Variants in ZMYND11 observed in about 807,000 individuals in gnomAD.
ZMYND11 encodes zinc finger MYND-type containing 11.
A neutral mutation model predicts 84.9 loss-of-function variants in ZMYND11; 9 were observed. The observed-to-expected ratio is 0.11, with a 90% confidence interval of 0.06 to 0.18. The LOEUF is 0.18. ZMYND11 is among the 10% of genes least tolerant of loss of function. The pLI is 1.00. For synonymous variants in ZMYND11, 250 were observed against 244.1 expected, an observed-to-expected ratio of 1.02 and a Z score of -0.23; for missense variants, 409 against 761.0, an observed-to-expected ratio of 0.54 and a Z score of 5.44.
chr10:215,326 A>G (rs1001184957), intron 3 of ZMYND11, among the ~76,000 whole-genome samples: 1 of 151,788 alleles, frequency 6.6e-6, no homozygotes, highest in Non-Finnish European at 1.5e-5. Flanking sequence ...TTAAAAAGTG[A>G]TGTTTGCTGT....
chr10:246,685 C>T lies in ZMYND11; in HGVS notation c.951-81C>T, dbSNP rs1278925932. The stretch of plus-strand genomic sequence containing the variant: ...GCCACAGGTCGCACTTTATGGCAGG[C>T]AGGGTCCACTGAAGCCCTCTTTTAC... On this transcript the variant is annotated intron_variant, in intron 10 of 14. Transcript: ENST00000381604. 7.5e-6 allele frequency: 10 copies of T among 1,333,542 alleles called. No homozygotes were observed. In the African/African-American group the frequency reaches 1.3e-4, roughly 17 times the overall value. 82.6% of individuals were successfully genotyped at this position (1,333,542 alleles called of 1,614,324 possible).
intron 9 of ZMYND11, 126 bp from the exon 10 acceptor site, chr10:241,895 T>G (rs1951027195): frequency 1.7e-6 from 2 of 1,179,810 alleles, no homozygotes; most frequent in East Asian, 2.4e-5. Flanking sequence ...ATCTCGTATG[T>G]GTTTAGGAGT....
intron 1 of ZMYND11, among the ~76,000 whole-genome samples, chr10:153,563 G>GT (rs759940806): frequency 6.6e-6 from 1 of 152,018 alleles, no homozygotes; most frequent in Non-Finnish European, 1.5e-5. Context: ...ATTTATATCA[G>GT]TAACATCTAC....
chr10:230,304 C>T (rs1948788619), intron 4 of ZMYND11, among the ~76,000 whole-genome samples: 1 of 151,732 alleles, frequency 6.6e-6, no homozygotes, highest in African/African-American at 2.4e-5. Flanking sequence ...GAAACTCTGT[C>T]TCTACTAAAA....
chr10:237,139 G>A (rs538105268), intron 5 of ZMYND11, among the ~76,000 whole-genome samples: 1 of 152,214 alleles, frequency 6.6e-6, no homozygotes, highest in African/African-American at 2.4e-5. Flanking sequence ...TTTGACATAA[G>A]CTACATGAGA....
At chr10:206,126 G>A (rs1002269000) in intron 2 of ZMYND11, among the ~76,000 whole-genome samples, 2 of 151,944 alleles carry the variant, frequency 1.3e-5, no homozygotes, top group Admixed American at 6.6e-5. Context: ...TTGGGAGGCC[G>A]AGGCGGGTGG....
intron 1 of ZMYND11, chr10:154,831 A>G (rs541029432): frequency 1.3e-5 from 2 of 152,352 alleles, no homozygotes; most frequent in South Asian, 4.1e-4. Flanking sequence ...CAAATGAAAT[A>G]TAAGAAAATT....
At position 160,134 on chromosome 10, in the gene ZMYND11, C is replaced by T. The variant is rs150530629; in HGVS notation, c.-19-19860C>T. 5.2e-3 allele frequency among the ~76,000 whole-genome samples: 792 copies of T among 152,256 alleles called. 2 individuals are homozygous for T. The highest frequency in any genetic ancestry group is 8.2e-3 in the Non-Finnish European group (555 of 68,024). ...GCTTTGAAGCTGATATGTATACAGG[C>T]GTACCCTGGATATATTGTGGGTTTG... On this transcript the variant is annotated intron_variant, in intron 1 of 14. Transcript: ENST00000381604.
At chr10:245,365 A>G (rs1255557799) in intron 10 of ZMYND11, among the ~76,000 whole-genome samples, 4 of 152,178 alleles carry the variant, frequency 2.6e-5, no homozygotes, top group Non-Finnish European at 5.9e-5. Context: ...ATGGTTATTT[A>G]TGGCTGAGGC....
At chr10:136,500 G>A (rs575714823) in intron 1 of ZMYND11, among the ~76,000 whole-genome samples, 2 of 152,078 alleles carry the variant, frequency 1.3e-5, no homozygotes, top group Non-Finnish European at 2.9e-5. Flanking sequence ...TGTCGTACCG[G>A]CTATCATACA....
chr10:246,694 C>G, intron 10 of ZMYND11, 72 bp from the exon 11 acceptor site: 1 of 1,455,534 alleles, frequency 6.9e-7, no homozygotes, highest in African/African-American at 1.4e-5. Flanking sequence ...GCAGGGTCCA[C>G]TGAAGCCCTC....
rs1489664092 is a variant in ZMYND11 at position 248,339 on chromosome 10, C to A, written c.1231C>A (p.Pro411Thr). The A allele has an allele frequency of 6.2e-7, 1 of 1,612,412 alleles. No homozygotes were observed. Among genetic ancestry groups the A allele is most frequent in the Non-Finnish European group, 8.5e-7 (1 of 1,178,906 alleles). The change falls in exon 13 of 15, where the codon CCA (proline) becomes ACA (threonine). Residue 411 changes from proline (P) to threonine (T), a missense_variant. Physicochemically the swap from Pro to Thr is conservative, Grantham distance 38. This residue lies in a region of ZMYND11 where 19 missense variants were observed against 60.5 expected (regional missense o/e 0.31). Transcript: ENST00000381604. Reference sequence around the variant, plus strand: ...AAACTCTTGTCTCACCTTTTAGGAACCAGAGCCTGAAACAGAAGCAGTAAG... The same window carrying A: ...AAACTCTTGTCTCACCTTTTAGGAAACAGAGCCTGAAACAGAAGCAGTAAG... The part of the protein sequence containing the change: ...NQSVEPKKEE[P>T]EPETEAVSSS...
At position 135,736 on chromosome 10, in the gene ZMYND11, T is replaced by TGGCGG. The variant is rs1185219301; in HGVS notation, c.-20+184_-20+188dup. ...CCGAGCTGCCGGGGAGCTTTGTGGA[T>TGGCGG]GGCGGGGCGGGCCGGGCCGGCGGGG... On this transcript the variant is annotated intron_variant, in intron 1 of 14. Transcript: ENST00000381604. The surrounding 1 kb of genome is among the most constrained non-coding windows in gnomAD (Gnocchi z 5.6). Among the ~76,000 whole-genome samples, 34 of 137,238 alleles carry TGGCGG rather than the reference T, an allele frequency of 2.5e-4. No homozygotes were observed. The highest frequency in any genetic ancestry group is 1.6e-5 in the Non-Finnish European group (1 of 62,718). The allele number at this position is 137,238 out of a possible 152,430, so 90.0% of individuals were successfully genotyped here. A position where few individuals can be genotyped will look rare whatever the true frequency, so the allele number is the denominator to read the frequency against.
upstream of ZMYND11, chr10:135,221 TGCCCTCCCG>T (rs1835632913): frequency 6.7e-6 from 1 of 150,052 alleles, no homozygotes; most frequent in Non-Finnish European, 1.5e-5. The surrounding 1 kb of genome is among the most constrained non-coding windows in gnomAD (Gnocchi z 5.6). Context: ...CGGGCGGCGG[TGCCCTCCCG>T]GCCCTCACCC....
Position 200,205 on chromosome 10 carries a change from G to GGGGTGTGTGTGTGTGT in ZMYND11, c.117-9683_117-9682insGGTGTGTGTGTGTGTG, listed in dbSNP as rs1554774397. Among the ~76,000 whole-genome samples the GGGGTGTGTGTGTGTGT allele has an allele frequency of 3.0e-3, 391 of 132,422 alleles. No individual in the cohort carries two copies. The Middle Eastern group carries it at 0.031, about 10-fold the overall frequency. 86.9% of individuals were successfully genotyped at this position (132,422 alleles called of 152,430 possible). Reference sequence around the variant, plus strand: ...GACATGTGCTGCCATGCCTGGCTAGGGTGTGTGTGTGTGTGTGTGTATAAT... The same window carrying GGGGTGTGTGTGTGTGT: ...GACATGTGCTGCCATGCCTGGCTAGGGGGTGTGTGTGTGTGTGTGTGTGTGTGTGTGTGTGTATAAT... On this transcript the variant is annotated intron_variant, in intron 2 of 14. Coordinates refer to ENST00000381604, the MANE Select transcript of ZMYND11 (RefSeq NM_001370100.5).
At chr10:231,961 C>T (rs749768986) in intron 4 of ZMYND11, among the ~76,000 whole-genome samples, 2 of 152,104 alleles carry the variant, frequency 1.3e-5, no homozygotes, top group Non-Finnish European at 2.9e-5. Context: ...CCAGGTGATA[C>T]GAACTCTGGA....
chr10:180,280 AAC>A (rs1411457066), intron 2 of ZMYND11, among the ~76,000 whole-genome samples, 152 bp downstream of exon 2: 17 of 152,252 alleles, frequency 1.1e-4, no homozygotes, highest in African/African-American at 1.7e-4. Context: ...TAGAAAAACA[AAC>A]ACAGAAACAT....
intron 7 of ZMYND11, 143 bp downstream of exon 7, chr10:239,668 C>A: frequency 2.9e-6 from 2 of 684,182 alleles, no homozygotes; most frequent in Non-Finnish European, 4.8e-6. Flanking sequence ...TTAGGAATAT[C>A]TGGTGATATA....
intron 1 of ZMYND11, among the ~76,000 whole-genome samples, chr10:161,502 C>G (rs1460196993): frequency 1.3e-5 from 2 of 152,192 alleles, no homozygotes; most frequent in Non-Finnish European, 2.9e-5. Context: ...GATTTGAACC[C>G]AGGCATCATC....
Sources: allele counts gnomAD v4.1 joint callset (sites outside exome capture counted in the v4.1 genomes callset), GRCh38; gene constraint gnomAD v4.1.1; regional missense constraint gnomAD v4.1.1; non-coding constraint Gnocchi (gnomAD v3.1); transcripts MANE v1.5; gene names NCBI Gene and HGNC (gene_info 2026-07-23, HGNC 2026-07-21).